Variants in ZMAT1 observed in about 807,000 individuals in gnomAD.
ZMAT1 encodes the protein zinc finger matrin-type 1.
Under a neutral mutation model 18.5 loss-of-function variants are expected in ZMAT1, and 11 were observed. That is an observed-to-expected ratio of 0.59 (90% CI 0.37 to 0.98). ZMAT1 has a LOEUF of 0.98. Among genes scored for constraint, ZMAT1 ranks in the 50% least tolerant of loss-of-function variants. The pLI, the probability that ZMAT1 is intolerant of heterozygous loss-of-function variation, is 0.01. For missense variants in ZMAT1, 525 were observed against 496.2 expected, an observed-to-expected ratio of 1.06 and a Z score of -0.55; for synonymous variants, 211 against 176.4, an observed-to-expected ratio of 1.20 and a Z score of -1.55.
chrX:101,927,869 TTAAG>T (rs775911426), intron 1 of ZMAT1, among the ~76,000 whole-genome samples: 3 of 112,452 alleles, frequency 2.7e-5, no homozygotes, highest in Admixed American at 9.4e-5. Context: ...GGGGGTATGC[TTAAG>T]TTAGTCTTTA....
At chrX:101,891,243 C>T (rs539768792) in intron 4 of ZMAT1, among the ~76,000 whole-genome samples, 6 of 111,561 alleles carry the variant, frequency 5.4e-5, no homozygotes, top group Middle Eastern at 4.6e-3. Context: ...ATGACTGTGA[C>T]GGATTGGGGA....
chrX:101,908,123 A>G (rs938505368), intron 1 of ZMAT1, among the ~76,000 whole-genome samples: 2 of 112,452 alleles, frequency 1.8e-5, no homozygotes, highest in Non-Finnish European at 3.8e-5. Flanking sequence ...TCTCTACTAC[A>G]TATAGTATCA....
chrX:101,900,562 C>T (rs1046296759), intron 2 of ZMAT1, among the ~76,000 whole-genome samples: 1 of 111,792 alleles, frequency 8.9e-6, no homozygotes, highest in African/African-American at 3.3e-5. Context: ...ATAGGGTGTC[C>T]TTTCCCCAAC....
At position 101,931,785 on chromosome X, in the gene ZMAT1, GAGCCGCCAA is replaced by G; in HGVS notation, c.215_223del (p.Phe72_Gly74del). On this transcript the variant is annotated inframe_deletion, in exon 1 of 6. Transcript: ENST00000651725. ...CCCCCTCCCCGCCGCCGCCATAGTG[GAGCCGCCAA>G]AGCCGCCGCCGCCGCCGTCGCCACA... is the stretch of plus-strand genomic sequence containing the variant. The G allele has an allele frequency of 2.8e-5, 22 of 781,385 alleles. No homozygotes were observed. Among genetic ancestry groups the G allele is most frequent in the Non-Finnish European group, 3.3e-5 (22 of 658,631 alleles). The allele number at this position is 781,385 out of a possible 1,213,427, so 64.4% of individuals were successfully genotyped here.
At chrX:101,911,065 C>G (rs182014989) in intron 1 of ZMAT1, among the ~76,000 whole-genome samples, 5 of 111,347 alleles carry the variant, frequency 4.5e-5, no homozygotes, top group Non-Finnish European at 9.4e-5. Flanking sequence ...CAATGGAGCT[C>G]CAATATGTCA....
At chrX:101,908,597 G>A (rs1434183135) in intron 1 of ZMAT1, among the ~76,000 whole-genome samples, 1 of 111,614 alleles carries the variant, frequency 9.0e-6, no homozygotes, top group Non-Finnish European at 1.9e-5. Context: ...TCTGGATGCT[G>A]GAAGGGAGAA....
At chrX:101,910,889 G>A (rs1172962638) in intron 1 of ZMAT1, among the ~76,000 whole-genome samples, 1 of 111,619 alleles carries the variant, frequency 9.0e-6, no homozygotes, top group East Asian at 2.8e-4. Flanking sequence ...GAGAACTTCT[G>A]AAATCTAGAT....
rs2147612700 is a variant in ZMAT1, at chrX:101,898,113, ACT to A, written c.501+4_501+5del. On this transcript the variant is annotated splice_donor_5th_base_variant and intron_variant, in intron 3 of 5. Transcript: ENST00000651725. ...TTGGATTACAATACCAACACACATCACTCACCTGAAAATTCTCAACATGCATC... is the reference window on the plus strand; with the variant it reads ...TTGGATTACAATACCAACACACATCACACCTGAAAATTCTCAACATGCATC... 2 of 1,208,196 alleles carry A rather than the reference ACT, an allele frequency of 1.7e-6. No individual in the cohort carries two copies. Among genetic ancestry groups the A allele is most frequent in the East Asian group, 5.9e-5 (2 of 33,786 alleles).
Position 101,883,617 on chromosome X carries a change from C to A in ZMAT1, c.1981G>T (p.Val661Leu). The A allele has an allele frequency of 8.3e-7, 1 of 1,209,278 alleles. No individual in the cohort carries two copies. The highest frequency in any genetic ancestry group is 1.1e-6 in the Non-Finnish European group (1 of 894,777). The change falls in exon 6 of 6, where the codon GTA (valine) becomes TTA (leucine). Residue 661 changes from valine to leucine, a missense_variant. By Grantham distance (32) the Val-to-Leu change is conservative. Transcript: ENST00000651725. Reference sequence around the variant, plus strand: ...TTACGTTCTTCTTTCTCGGAGGGTACATCATGGCTTTTTTTCTTTTTTCGA... The same window carrying A: ...TTACGTTCTTCTTTCTCGGAGGGTAAATCATGGCTTTTTTTCTTTTTTCGA... ...KHRKKKKSHD[V>L]PSEKEERKHR...
chrX:101,885,539 G>GA (rs1486715231), intron 5 of ZMAT1, among the ~76,000 whole-genome samples: 1 of 110,248 alleles, frequency 9.1e-6, no homozygotes, highest in Non-Finnish European at 1.9e-5. Context: ...ACCCATCTCT[G>GA]AAAAAAAGGA....
chrX:101,883,477 T>C lies in ZMAT1; in HGVS notation c.*33A>G. ...AATCCATATTGACTGTTTTTTTTTT[T>C]CAATTCAACCTTGGGTAAACAAAAC... is the stretch of plus-strand genomic sequence containing the variant. On this transcript the variant is annotated 3_prime_UTR_variant, in exon 6 of 6. Transcript: ENST00000651725. 1 of 1,097,341 alleles carries C rather than the reference T, an allele frequency of 9.1e-7. No homozygotes were observed. The allele number at this position is 1,097,341 out of a possible 1,213,427, so 90.4% of individuals were successfully genotyped here.
chrX:101,890,484 A>G (rs922139028), intron 4 of ZMAT1, among the ~76,000 whole-genome samples: 1 of 111,692 alleles, frequency 9.0e-6, no homozygotes, highest in Admixed American at 9.5e-5. Flanking sequence ...AGTATGGCAG[A>G]GACAGAAATC....
chrX:101,929,438 T>C (rs1930312085), intron 1 of ZMAT1, among the ~76,000 whole-genome samples: 1 of 82,531 alleles, frequency 1.2e-5, no homozygotes, highest in Non-Finnish European at 2.2e-5. Context: ...TATATATATA[T>C]ATATATATAT....
Position 101,911,662 on chromosome X carries a change from C to A in ZMAT1, c.293-7332G>T, listed in dbSNP as rs181383593. 1.6e-4 allele frequency: 189 copies of A among 1,204,182 alleles called. 2 individuals are homozygous for A. The highest frequency in any genetic ancestry group is 1.5e-3 in the East Asian group (50 of 33,692). On this transcript the variant is annotated intron_variant, in intron 1 of 5. Coordinates refer to ENST00000651725, the MANE Select transcript of ZMAT1 (RefSeq NM_001394560.1). ...CCACGCTGGGGAGAAGCCAGCCCTA[C>A]GAATGCAACCAGTGTGGCAGAGCCT...
chrX:101,931,648 T>C (rs985494184), intron 1 of ZMAT1, 69 bp downstream of exon 1: 4 of 741,032 alleles, frequency 5.4e-6, no homozygotes, highest in African/African-American at 4.7e-5. Context: ...CCCAGCCCAA[T>C]CTCGGACGGG....
At chrX:101,921,030 A>T (rs1419390778) in intron 1 of ZMAT1, among the ~76,000 whole-genome samples, 1 of 111,428 alleles carries the variant, frequency 9.0e-6, no homozygotes, top group African/African-American at 3.3e-5. Context: ...TTTTTGAAAA[A>T]AAAAAAGGAT....
intron 1 of ZMAT1, among the ~76,000 whole-genome samples, chrX:101,929,423 TTATA>T (rs771032732): frequency 0.018 from 1,312 of 71,206 alleles, 23 homozygotes; most frequent in South Asian, 0.033. Context: ...TAGAGAGAGA[TTATA>T]TATATATATA....
intron 1 of ZMAT1, among the ~76,000 whole-genome samples, chrX:101,916,892 C>CG (rs1929373039): frequency 9.0e-6 from 1 of 111,701 alleles, no homozygotes; most frequent in African/African-American, 3.3e-5. Flanking sequence ...ATCCACACAC[C>CG]TACAGTGACC....
chrX:101,902,240 T>C (rs1928290062), intron 2 of ZMAT1, among the ~76,000 whole-genome samples: 1 of 111,993 alleles, frequency 8.9e-6, no homozygotes, highest in South Asian at 3.7e-4. Context: ...TGAAGCTGAG[T>C]ATCTATTCTA....
Sources: gnomAD v4.1 joint callset for allele counts (sites outside exome capture counted in the v4.1 genomes callset) on GRCh38, gnomAD v4.1.1 for gene constraint, MANE v1.5 for transcripts, NCBI Gene and HGNC (gene_info 2026-07-23, HGNC 2026-07-21) for gene names.